The following ARL15 variants were observed in gnomAD, a reference collection of about 807,000 sequenced individuals.
ARL15 encodes ARF like GTPase 15, also known as ADP-ribosylation factor-like protein 15.
In ARL15, 19 loss-of-function variants were observed where a neutral mutation model predicts 25.2. That is an observed-to-expected ratio of 0.75 (90% CI 0.53 to 1.10). The LOEUF is 1.10. Ranked by LOEUF, ARL15 falls within the 50% of genes least tolerant of loss-of-function variation. The probability of loss-of-function intolerance (pLI) is 0.00; values close to 1 mark genes in which losing one functional copy is unlikely to be tolerated. For missense variants in ARL15, 220 were observed against 246.0 expected (o/e 0.89, Z 0.71); for synonymous variants, 94 against 86.8 (o/e 1.08, Z -0.46).
intron 4 of ARL15, among the ~76,000 whole-genome samples, chr5:53,984,622 G>A (rs577367503): frequency 6.6e-6 from 1 of 151,920 alleles, no homozygotes; most frequent in Non-Finnish European, 1.5e-5. Context: ...TTTTTTCAAG[G>A]TCAATGTATT....
intron 4 of ARL15, among the ~76,000 whole-genome samples, chr5:54,064,202 C>T (rs933258955): frequency 6.7e-6 from 1 of 149,250 alleles, no homozygotes; most frequent in Non-Finnish European, 1.5e-5. Flanking sequence ...TTAGACTGGG[C>T]AAGTAAAAAA....
At chr5:54,287,275 G>T in intron 1 of ARL15, among the ~76,000 whole-genome samples, 1 of 151,974 alleles carries the variant, frequency 6.6e-6, no homozygotes, top group East Asian at 1.9e-4. Context: ...TTCCAGTTCA[G>T]GAGAAAGCGG....
intron 1 of ARL15, among the ~76,000 whole-genome samples, chr5:54,301,408 A>G (rs1323688838): frequency 3.9e-5 from 6 of 152,176 alleles, no homozygotes; most frequent in Admixed American, 3.9e-4. Flanking sequence ...ACTGTTACTC[A>G]CTAACCTCGG....
chr5:54,240,857 T>C (rs1333449966), intron 1 of ARL15, among the ~76,000 whole-genome samples: 1 of 152,194 alleles, frequency 6.6e-6, no homozygotes, highest in African/African-American at 2.4e-5. Context: ...ATTGAAGGTT[T>C]TGGGATTTCA....
At chr5:53,917,821 G>GA (rs1745705472) in intron 4 of ARL15, among the ~76,000 whole-genome samples, 1 of 151,494 alleles carries the variant, frequency 6.6e-6, no homozygotes, top group Admixed American at 6.6e-5. Context: ...GGGTAAAGGG[G>GA]GCCCTTTTGC....
chr5:54,262,467 C>T (rs1000394851), intron 1 of ARL15, among the ~76,000 whole-genome samples: 1 of 152,090 alleles, frequency 6.6e-6, no homozygotes, highest in African/African-American at 2.4e-5. Flanking sequence ...TCTCAAAGAA[C>T]CTATTACTGA....
At chr5:53,984,230 C>A (rs1331644660) in intron 4 of ARL15, among the ~76,000 whole-genome samples, 4 of 152,280 alleles carry the variant, frequency 2.6e-5, no homozygotes, top group Admixed American at 2.0e-4. Context: ...TGGTCTAATT[C>A]TTTTCTTGCT....
chr5:54,131,465 G>T (rs1174063878), intron 3 of ARL15, among the ~76,000 whole-genome samples: 1 of 152,028 alleles, frequency 6.6e-6, no homozygotes, highest in African/African-American at 2.4e-5. Flanking sequence ...TGCATTAAAT[G>T]CCATCTGTAC....
At chr5:53,905,375 A>ATAT (rs1745217463) in intron 4 of ARL15, among the ~76,000 whole-genome samples, 1 of 152,218 alleles carries the variant, frequency 6.6e-6, no homozygotes, top group Non-Finnish European at 1.5e-5. Flanking sequence ...CTATGAAAGC[A>ATAT]TATTATGGTT....
intron 4 of ARL15, among the ~76,000 whole-genome samples, chr5:54,097,248 C>A (rs955672871): frequency 1.3e-5 from 2 of 152,026 alleles, no homozygotes; most frequent in Non-Finnish European, 2.9e-5. Flanking sequence ...AGCTGGGAGG[C>A]GGAGGCTGCA....
intron 1 of ARL15, among the ~76,000 whole-genome samples, chr5:54,218,177 G>C (rs1428013949): frequency 6.6e-6 from 1 of 152,158 alleles, no homozygotes; most frequent in Non-Finnish European, 1.5e-5. Context: ...CCAGAAAGAA[G>C]TAACATTCAG....
At chr5:54,010,627 T>C (rs1749204580) in intron 4 of ARL15, among the ~76,000 whole-genome samples, 1 of 152,118 alleles carries the variant, frequency 6.6e-6, no homozygotes, top group African/African-American at 2.4e-5. Flanking sequence ...ACCAAGGACA[T>C]CTAAAGATGA....
At position 54,179,829 on chromosome 5, in the gene ARL15, CCAA is replaced by C. The variant is rs1420887588; in HGVS notation, c.49-7904_49-7902del. On this transcript the variant is annotated intron_variant, in intron 1 of 4. Transcript: ENST00000504924. ...GGTCAGGAGTTCGAGACCAGCCTGGCCAACGTGGTGAGACCCCGTCTCTACTAA... is the reference window on the plus strand; with the variant it reads ...GGTCAGGAGTTCGAGACCAGCCTGGCCGTGGTGAGACCCCGTCTCTACTAA... Among the ~76,000 whole-genome samples the C allele has an allele frequency of 3.9e-5, 6 of 151,978 alleles. 1 individual carries two copies. The highest frequency in any genetic ancestry group is 3.4e-3 in the Middle Eastern group (1 of 294).
chr5:54,137,513 T>C (rs1753640179), intron 3 of ARL15, among the ~76,000 whole-genome samples: 1 of 152,204 alleles, frequency 6.6e-6, no homozygotes, highest in Non-Finnish European at 1.5e-5. Flanking sequence ...ATAAAAACGA[T>C]AATAGCCACT....
At chr5:53,905,340 C>T (rs1745216872) in intron 4 of ARL15, among the ~76,000 whole-genome samples, 1 of 152,176 alleles carries the variant, frequency 6.6e-6, no homozygotes, top group Admixed American at 6.5e-5. Flanking sequence ...CACACCCCTA[C>T]AGTTTCCTGT....
chr5:53,971,044 C>G (rs1747735150), intron 4 of ARL15, among the ~76,000 whole-genome samples: 1 of 151,800 alleles, frequency 6.6e-6, no homozygotes, highest in Admixed American at 6.6e-5. Context: ...TTTGCACTAT[C>G]AAAGAGAAGT....
At chr5:54,216,596 A>T (rs571500680) in intron 1 of ARL15, among the ~76,000 whole-genome samples, 2 of 151,982 alleles carry the variant, frequency 1.3e-5, no homozygotes, top group African/African-American at 4.8e-5. Flanking sequence ...CAGTTATAAT[A>T]GTTGTCTCTA....
intron 4 of ARL15, among the ~76,000 whole-genome samples, chr5:53,896,236 G>A (rs758528807): frequency 6.6e-6 from 1 of 152,146 alleles, no homozygotes; most frequent in Non-Finnish European, 1.5e-5. Context: ...GTTTTGCCAT[G>A]TTGGCTAGGC....
chr5:54,221,427 C>T (rs1353274960), intron 1 of ARL15, among the ~76,000 whole-genome samples: 1 of 152,184 alleles, frequency 6.6e-6, no homozygotes, highest in Non-Finnish European at 1.5e-5. Context: ...GAAACACAAA[C>T]TCCAATTCCA....
Sources: allele counts gnomAD v4.1 joint callset (sites outside exome capture counted in the v4.1 genomes callset), GRCh38; gene constraint gnomAD v4.1.1; transcripts MANE v1.5; gene names NCBI Gene and HGNC (gene_info 2026-07-23, HGNC 2026-07-21).